Variants in STAG1 observed in about 807,000 individuals in gnomAD.
STAG1 encodes the protein cohesin subunit SA-1.
In STAG1, 26 loss-of-function variants were observed where a neutral mutation model predicts 170.9. The observed-to-expected ratio is 0.15, with a 90% CI of 0.11 to 0.21. The LOEUF is 0.21. Among genes scored for constraint, STAG1 ranks in the 10% least tolerant of loss-of-function variants. STAG1 has a pLI of 1.00. For synonymous variants in STAG1, 514 were observed against 497.7 expected (o/e 1.03, Z -0.44); for missense variants, 964 against 1,509.5 (o/e 0.64, Z 5.99).
At chr3:136,685,623 A>G (rs1942493892) in intron 1 of STAG1, among the ~76,000 whole-genome samples, 1 of 152,208 alleles carries the variant, frequency 6.6e-6, no homozygotes, top group Non-Finnish European at 1.5e-5. Flanking sequence ...ATGAGCTCTA[A>G]GTCTTGAAAA....
intron 1 of STAG1, among the ~76,000 whole-genome samples, chr3:136,700,821 G>A (rs995611714): frequency 3.3e-5 from 5 of 150,628 alleles, no homozygotes; most frequent in Admixed American, 2.0e-4. Context: ...ATTAACACAC[G>A]GTCTCTCAAG....
At chr3:136,668,288 GATATATA>G (rs1203480595) in intron 1 of STAG1, among the ~76,000 whole-genome samples, 5 of 143,170 alleles carry the variant, frequency 3.5e-5, no homozygotes, top group African/African-American at 1.0e-4. Flanking sequence ...TATTATACAT[GATATATA>G]ATATATATTA....
intron 28 of STAG1, among the ~76,000 whole-genome samples, chr3:136,349,570 T>A (rs112198498): frequency 1.2e-3 from 177 of 152,248 alleles, no homozygotes; most frequent in African/African-American, 2.5e-3. Flanking sequence ...TTAAAGCAAG[T>A]GAGTGTATTA....
At chr3:136,347,395 C>CCA (rs1410521466) in intron 29 of STAG1, among the ~76,000 whole-genome samples, 1 of 78,726 alleles carries the variant, frequency 1.3e-5, no homozygotes, top group Non-Finnish European at 2.3e-5. Context: ...GATCCTGTCT[C>CCA]AAAAAAAAAA....
At chr3:136,544,386 G>A (rs1936050953) in intron 5 of STAG1, among the ~76,000 whole-genome samples, 1 of 152,110 alleles carries the variant, frequency 6.6e-6, no homozygotes, top group African/African-American at 2.4e-5. Flanking sequence ...CAAGTACACA[G>A]AAGACTGAAA....
chr3:136,462,692 A>G (rs974459521), intron 13 of STAG1, among the ~76,000 whole-genome samples: 1 of 152,226 alleles, frequency 6.6e-6, no homozygotes, highest in African/African-American at 2.4e-5. Flanking sequence ...ACACAAAGAA[A>G]TAATACATAT....
In STAG1 at chr3:136,479,672, G is replaced by A. The variant is rs1210959884; in HGVS notation, c.903-2260C>T. Among the ~76,000 whole-genome samples, 226 of 42,234 alleles carry A rather than the reference G, an allele frequency of 5.4e-3. 38 individuals are homozygous for A. Among genetic ancestry groups the A allele is most frequent in the African/African-American group, 0.016 (210 of 13,180 alleles). 27.7% of individuals were successfully genotyped at this position (42,234 alleles called of 152,430 possible). A position where few individuals can be genotyped will look rare whatever the true frequency, so the allele number is the denominator to read the frequency against. The stretch of plus-strand genomic sequence containing the variant: ...CGCCACACTGACTTCCACAATGGTT[G>A]AACTAGTTTACAGTCCCACCAACAG... On this transcript the variant is annotated intron_variant, in intron 9 of 33. Coordinates refer to ENST00000383202, the MANE Select transcript of STAG1 (RefSeq NM_005862.3).
chr3:136,638,759 G>A (rs1214023417), intron 1 of STAG1, among the ~76,000 whole-genome samples: 1 of 151,916 alleles, frequency 6.6e-6, no homozygotes, highest in African/African-American at 2.4e-5. Context: ...AAAATTAACT[G>A]GGCATGGTAG....
At chr3:136,710,484 T>A (rs528103060) in intron 1 of STAG1, among the ~76,000 whole-genome samples, 179 of 152,312 alleles carry the variant, frequency 1.2e-3, no homozygotes, top group South Asian at 3.5e-3. Context: ...CACAACACTA[T>A]GCAGTATTAA....
intron 1 of STAG1, among the ~76,000 whole-genome samples, chr3:136,668,681 G>A (rs1368882831): frequency 6.6e-6 from 1 of 152,028 alleles, no homozygotes; most frequent in Non-Finnish European, 1.5e-5. Context: ...CAGAGAACTC[G>A]AGAGAAGCCC....
At chr3:136,486,905 ACGTC>A (rs777486663) in intron 9 of STAG1, among the ~76,000 whole-genome samples, 7 of 148,790 alleles carry the variant, frequency 4.7e-5, no homozygotes, top group Non-Finnish European at 8.9e-5. Flanking sequence ...CTAATTTCTA[ACGTC>A]TTTGTTGTTT....
chr3:136,485,407 A>G (rs2089987594), intron 9 of STAG1, among the ~76,000 whole-genome samples: 1 of 152,132 alleles, frequency 6.6e-6, no homozygotes, highest in African/African-American at 2.4e-5. Context: ...CAGTAAGCCG[A>G]GATCACGCCA....
chr3:136,382,620 A>G (rs1441788585), intron 22 of STAG1, among the ~76,000 whole-genome samples: 1 of 151,998 alleles, frequency 6.6e-6, no homozygotes, highest in Non-Finnish European at 1.5e-5. Context: ...CATGTTGACC[A>G]GGCTGGTCTC....
rs1380453560 is a variant in STAG1, at chr3:136,604,312, C to T, written c.294G>A (p.Met98Ile). 1 of 1,603,868 alleles carries T rather than the reference C, an allele frequency of 6.2e-7. No homozygotes were observed. The change falls in exon 4 of 34, where the codon ATG becomes ATA. Residue 98 changes from methionine (M) to isoleucine (I), a missense_variant. Met to Ile is a conservative substitution (Grantham distance 10). Transcript: ENST00000383202. ...FEVVKLGKSA[M>I]QSVVDDWIES... ...GAAATAAAAACTTAAAATTTACCTGCATTGCACTTTTCCCCAGTTTCACCA... is the reference window on the plus strand; with the variant it reads ...GAAATAAAAACTTAAAATTTACCTGTATTGCACTTTTCCCCAGTTTCACCA...
intron 1 of STAG1, among the ~76,000 whole-genome samples, chr3:136,750,882 T>G (rs971300236): frequency 6.6e-6 from 1 of 152,244 alleles, no homozygotes; most frequent in South Asian, 2.1e-4. Context: ...TACGTTACAT[T>G]ACCATACAAT....
chr3:136,349,032 C>A, intron 29 of STAG1, 126 bp downstream of exon 29: 2 of 745,602 alleles, frequency 2.7e-6, no homozygotes, highest in Non-Finnish European at 4.4e-6. Context: ...CTTAACATCT[C>A]ATTGTGAATA....
chr3:136,351,122 A>G (rs1936418540), intron 28 of STAG1, among the ~76,000 whole-genome samples: 2 of 151,814 alleles, frequency 1.3e-5, no homozygotes, highest in African/African-American at 4.8e-5. Context: ...GTGATTCTTC[A>G]TTTCACTAGC....
At chr3:136,523,744 TTTAATTCATCTTGAA>T (rs1163730828) in intron 6 of STAG1, among the ~76,000 whole-genome samples, 1 of 152,230 alleles carries the variant, frequency 6.6e-6, no homozygotes, top group African/African-American at 2.4e-5. Context: ...CATGTAAGTC[TTTAATTCATCTTGAA>T]TTAATTTTTG....
chr3:136,475,985 C>T (rs778547885), intron 10 of STAG1, among the ~76,000 whole-genome samples: 24 of 152,180 alleles, frequency 1.6e-4, no homozygotes, highest in Non-Finnish European at 2.8e-4. Context: ...CCAGGCAAGT[C>T]TCTTATGTCA....
Sources: allele counts gnomAD v4.1 joint callset (sites outside exome capture counted in the v4.1 genomes callset), GRCh38; gene constraint gnomAD v4.1.1; transcripts MANE v1.5; gene names NCBI Gene and HGNC (gene_info 2026-07-23, HGNC 2026-07-21).